Variants in CPNE5 observed in about 807,000 individuals in gnomAD.
CPNE5 encodes the protein copine 5.
In CPNE5, 42 loss-of-function variants were observed where a neutral mutation model predicts 81.1. That is an observed-to-expected ratio of 0.52 (90% CI 0.40 to 0.67). The LOEUF (loss-of-function observed/expected upper bound fraction) is 0.67. Among genes scored for constraint, CPNE5 ranks in the 30% least tolerant of loss-of-function variants. The probability of loss-of-function intolerance (pLI) is 0.00; values close to 1 mark genes in which losing one functional copy is unlikely to be tolerated. For synonymous variants in CPNE5, 313 were observed against 321.5 expected, an observed-to-expected ratio of 0.97 and a Z score of 0.28; for missense variants, 612 against 815.5, an observed-to-expected ratio of 0.75 and a Z score of 3.04.
At chr6:36,767,821 G>A (rs1307032477) in intron 10 of CPNE5, among the ~76,000 whole-genome samples, 2 of 152,236 alleles carry the variant, frequency 1.3e-5, no homozygotes, top group Non-Finnish European at 2.9e-5. Context: ...ATTCTAACAT[G>A]CAACCAGAGC....
intron 8 of CPNE5, among the ~76,000 whole-genome samples, chr6:36,786,492 C>T (rs1357180661): frequency 6.6e-6 from 1 of 152,168 alleles, no homozygotes; most frequent in African/African-American, 2.4e-5. Context: ...CATTCAGAGG[C>T]TGAAAACCCC....
At chr6:36,793,848 A>C (rs1425405985) in intron 7 of CPNE5, among the ~76,000 whole-genome samples, 3 of 151,874 alleles carry the variant, frequency 2.0e-5, no homozygotes, top group Non-Finnish European at 4.4e-5. Context: ...CCCCAACAAA[A>C]TGCCCTTCTG....
At chr6:36,752,737 GC>G in intron 14 of CPNE5, 1 of 248,784 alleles carries the variant, frequency 4.0e-6, no homozygotes. Context: ...CAAGCCCTTG[GC>G]TTTCTGTCAC....
chr6:36,782,868 C>CACAA lies in CPNE5; in HGVS notation c.529-3912_529-3911insTTGT, dbSNP rs1250161980. On this transcript the variant is annotated intron_variant, in intron 8 of 20. Transcript: ENST00000244751. ...ACACACACACACACACACACACACA[C>CACAA]AAAACGGCACAAAGGAGCCAAGGGC... Among the ~76,000 whole-genome samples, 218 of 142,124 alleles carry CACAA rather than the reference C, an allele frequency of 1.5e-3. 1 individual carries two copies. The highest frequency in any genetic ancestry group is 5.3e-3 in the African/African-American group (204 of 38,302). 93.2% of individuals were successfully genotyped at this position (142,124 alleles called of 152,430 possible). A position where few individuals can be genotyped will look rare whatever the true frequency, so the allele number is the denominator to read the frequency against.
chr6:36,771,844 T>G (rs1219143900), intron 10 of CPNE5, among the ~76,000 whole-genome samples: 2 of 151,978 alleles, frequency 1.3e-5, no homozygotes, highest in Non-Finnish European at 2.9e-5. Context: ...GGCGGGGGGA[T>G]AGGCCTGATC....
intron 10 of CPNE5, among the ~76,000 whole-genome samples, chr6:36,771,208 G>C (rs975057260): frequency 2.6e-5 from 4 of 152,152 alleles, no homozygotes; most frequent in Non-Finnish European, 5.9e-5. Context: ...CCTGAGCAAG[G>C]TGCTCATTAG....
At chr6:36,810,847 G>C (rs1458210294) in intron 3 of CPNE5, among the ~76,000 whole-genome samples, 1 of 152,202 alleles carries the variant, frequency 6.6e-6, no homozygotes, top group Non-Finnish European at 1.5e-5. Context: ...TTTTGTTAAG[G>C]CTTCCAGGTA....
chr6:36,777,989 C>T (rs1767702259), intron 9 of CPNE5, among the ~76,000 whole-genome samples: 1 of 152,278 alleles, frequency 6.6e-6, no homozygotes, highest in East Asian at 1.9e-4. Flanking sequence ...CAGCGCTTCT[C>T]TAATTAACCT....
chr6:36,837,246 C>T (rs71569351), intron 1 of CPNE5, among the ~76,000 whole-genome samples: 3,378 of 152,362 alleles, frequency 0.022, 53 homozygotes, highest in Non-Finnish European at 0.033. Context: ...AAGTGCCAGG[C>T]ACTGCTCTAA....
At chr6:36,798,302 T>G in intron 5 of CPNE5, 61 bp from the exon 6 acceptor site, 1 of 1,543,692 alleles carries the variant, frequency 6.5e-7, no homozygotes, top group Non-Finnish European at 8.9e-7. Context: ...CTATCCCACC[T>G]CCCCCATCGC....
chr6:36,775,307 C>T (rs1057390382), intron 9 of CPNE5, among the ~76,000 whole-genome samples: 1 of 152,202 alleles, frequency 6.6e-6, no homozygotes, highest in Admixed American at 6.5e-5. Context: ...GGACAAGTCC[C>T]AGGGTGTCAG....
chr6:36,808,704 C>G (rs117262704), intron 3 of CPNE5, among the ~76,000 whole-genome samples: 4,488 of 152,288 alleles, frequency 0.029, 241 homozygotes, highest in East Asian at 0.23. Context: ...TGTTGCAGAG[C>G]TGGTCTCCAA....
intron 3 of CPNE5, among the ~76,000 whole-genome samples, chr6:36,818,914 G>A (rs913334737): frequency 1.3e-5 from 2 of 152,172 alleles, no homozygotes; most frequent in African/African-American, 2.4e-5. Flanking sequence ...GAATCACGAG[G>A]ACATGAACAC....
At chr6:36,828,431 G>T (rs1772705186) in intron 1 of CPNE5, among the ~76,000 whole-genome samples, 2 of 89,990 alleles carry the variant, frequency 2.2e-5, no homozygotes, top group Admixed American at 1.1e-4. Flanking sequence ...CTGCCTCAGG[G>T]AATCCTCAGC....
At chr6:36,756,110 C>G (rs1316694045) in intron 13 of CPNE5, 135 bp downstream of exon 13, 1 of 518,062 alleles carries the variant, frequency 1.9e-6, no homozygotes, top group Admixed American at 3.0e-5. Flanking sequence ...CCCTCCCCAC[C>G]CCATCTCTCT....
chr6:36,779,399 C>T (rs577438967), intron 8 of CPNE5, among the ~76,000 whole-genome samples: 1 of 152,148 alleles, frequency 6.6e-6, no homozygotes, highest in Non-Finnish European at 1.5e-5. Context: ...CTGAGTGGCT[C>T]GGAAAGGTGA....
At position 36,768,225 on chromosome 6, in the gene CPNE5, C is replaced by CTTTTTTTCTTTTT. The variant is rs527797208; in HGVS notation, c.738-2850_738-2849insAAAAAGAAAAAAA. On this transcript the variant is annotated intron_variant, in intron 10 of 20. Coordinates refer to ENST00000244751, the MANE Select transcript of CPNE5 (RefSeq NM_020939.2). ...GGCTTTGACTACTCTATTCACAGTT[C>CTTTTTTTCTTTTT]TTTTTTTTTTTTTTTTTTTTTTTTT... is the stretch of plus-strand genomic sequence containing the variant. 1.3e-4 allele frequency among the ~76,000 whole-genome samples: 8 copies of CTTTTTTTCTTTTT among 60,512 alleles called. 1 individual carries two copies. The highest frequency in any genetic ancestry group is 6.6e-4 in the South Asian group (1 of 1,524). 39.7% of individuals were successfully genotyped at this position (60,512 alleles called of 152,430 possible).
chr6:36,793,946 G>A (rs1769327381), intron 7 of CPNE5, among the ~76,000 whole-genome samples: 1 of 152,214 alleles, frequency 6.6e-6, no homozygotes, highest in Admixed American at 6.5e-5. Context: ...AGAAGCCAGG[G>A]TGGGAACTCC....
intron 15 of CPNE5, among the ~76,000 whole-genome samples, chr6:36,747,035 A>G (rs552392387): frequency 2.0e-5 from 3 of 152,080 alleles, no homozygotes; most frequent in Admixed American, 6.5e-5. Flanking sequence ...CGCCAGTCCC[A>G]GCCTCACCAG....
Sources: allele counts gnomAD v4.1 joint callset (sites outside exome capture counted in the v4.1 genomes callset), GRCh38; gene constraint gnomAD v4.1.1; transcripts MANE v1.5; gene names NCBI Gene and HGNC (gene_info 2026-07-23, HGNC 2026-07-21).